FRY: variants seen among roughly 807,000 people sequenced by gnomAD.
FRY encodes the protein FRY microtubule binding protein, also known as protein furry homolog.
FRY carries 128 observed loss-of-function variants against 348.4 expected under a neutral mutation model. The ratio of observed to expected loss-of-function variants is 0.37; its 90% confidence interval spans 0.32 to 0.43. The LOEUF (loss-of-function observed/expected upper bound fraction) is 0.43, where lower values mean the gene tolerates loss of function less well. Ranked by LOEUF, FRY falls within the 20% of genes least tolerant of loss-of-function variation. FRY has a pLI of 1.00. For synonymous variants in FRY, 1,370 were observed against 1,374.7 expected, an observed-to-expected ratio of 1.00 and a Z score of 0.08; for missense variants, 2,736 against 3,695.2, an observed-to-expected ratio of 0.74 and a Z score of 6.73.
At chr13:32,173,645 CT>C in intron 19 of FRY, 96 bp downstream of exon 19, 1 of 914,088 alleles carries the variant, frequency 1.1e-6, no homozygotes, top group South Asian at 1.3e-5. Flanking sequence ...ATTTCAGGTA[CT>C]TTTATGTTAC....
chr13:32,297,722 T>G lies in FRY; in HGVS notation c.*2262T>G, dbSNP rs2072086952. ...ACGCCAGCAGAGCCCAGCAATAACTTTAGATCTACCAGTCAAATCTTGTCG... is the reference window on the plus strand; with the variant it reads ...ACGCCAGCAGAGCCCAGCAATAACTGTAGATCTACCAGTCAAATCTTGTCG... On this transcript the variant is annotated 3_prime_UTR_variant, in exon 61 of 61. Transcript: ENST00000542859. 1 of 152,198 alleles carries G rather than the reference T, an allele frequency of 6.6e-6. No homozygotes were observed. Among genetic ancestry groups the G allele is most frequent in the African/African-American group, 2.4e-5 (1 of 41,436 alleles). The allele number at this position is 152,198 out of a possible 1,614,324, so 9.4% of individuals were successfully genotyped here. A position where few individuals can be genotyped will look rare whatever the true frequency, so the allele number is the denominator to read the frequency against.
At chr13:32,275,550 C>T (rs761315826) in intron 56 of FRY, among the ~76,000 whole-genome samples, 1 of 152,224 alleles carries the variant, frequency 6.6e-6, no homozygotes, top group African/African-American at 2.4e-5. Flanking sequence ...GCTCCGTCTG[C>T]ATCGTTGGCA....
intron 23 of FRY, among the ~76,000 whole-genome samples, chr13:32,181,349 C>G (rs900120921): frequency 1.1e-4 from 16 of 151,566 alleles, no homozygotes; most frequent in Non-Finnish European, 2.1e-4. Flanking sequence ...AATCCCAGCA[C>G]TTTGGGAGGC....
At chr13:32,136,516 C>CT (rs1480504977) in intron 10 of FRY, among the ~76,000 whole-genome samples, 3 of 151,954 alleles carry the variant, frequency 2.0e-5, no homozygotes, top group Admixed American at 2.0e-4. Context: ...TGCCTTCCTG[C>CT]TTTTTTTTCT....
chr13:32,110,559 A>T (rs1234606640), intron 3 of FRY, among the ~76,000 whole-genome samples: 2 of 151,874 alleles, frequency 1.3e-5, no homozygotes, highest in African/African-American at 4.8e-5. Flanking sequence ...TGTATTAATG[A>T]CAGCCACTAG....
chr13:32,229,566 A>G (rs1247561348), intron 40 of FRY, among the ~76,000 whole-genome samples: 2 of 152,250 alleles, frequency 1.3e-5, no homozygotes, highest in Non-Finnish European at 2.9e-5. Flanking sequence ...ATGCCTGCAC[A>G]TACAGGGTAC....
intron 35 of FRY, among the ~76,000 whole-genome samples, chr13:32,215,571 T>A (rs1884942382): frequency 6.6e-6 from 1 of 152,218 alleles, no homozygotes; most frequent in Non-Finnish European, 1.5e-5. Flanking sequence ...AAAATCTTCA[T>A]AAGTTTTTGT....
chr13:32,050,947 C>T (rs762545620), intron 1 of FRY, among the ~76,000 whole-genome samples: 1 of 152,192 alleles, frequency 6.6e-6, no homozygotes, highest in Non-Finnish European at 1.5e-5. Context: ...ATTATATCCA[C>T]CACATACGCA....
At chr13:32,268,505 A>AAAAAAAAT (rs1555273232) in intron 55 of FRY, among the ~76,000 whole-genome samples, 2 of 28,306 alleles carry the variant, frequency 7.1e-5, no homozygotes, top group African/African-American at 1.9e-4. Flanking sequence ...AAAAAAAAAA[A>AAAAAAAAT]ATATATATAT....
chr13:32,148,165 A>G (rs930230552), intron 13 of FRY, among the ~76,000 whole-genome samples: 7 of 152,240 alleles, frequency 4.6e-5, no homozygotes, highest in Non-Finnish European at 8.8e-5. Flanking sequence ...TGATAAATGA[A>G]GAAACAGAGA....
chr13:32,116,932 A>G (rs981533701), intron 3 of FRY, among the ~76,000 whole-genome samples: 3 of 152,316 alleles, frequency 2.0e-5, no homozygotes, highest in Non-Finnish European at 2.9e-5. Context: ...AGATTTGTTT[A>G]TATCATGTAA....
chr13:32,146,075 C>T (rs568096625), intron 11 of FRY, among the ~76,000 whole-genome samples: 48 of 152,288 alleles, frequency 3.2e-4, no homozygotes, highest in Admixed American at 1.2e-3. Context: ...GGCCCTTCAC[C>T]AGCATACAAA....
intron 15 of FRY, among the ~76,000 whole-genome samples, chr13:32,156,117 A>AT (rs1881092416): frequency 6.6e-6 from 1 of 152,184 alleles, no homozygotes; most frequent in Non-Finnish European, 1.5e-5. Context: ...ACATGAGATG[A>AT]TTTTCTAATT....
intron 1 of FRY, among the ~76,000 whole-genome samples, chr13:32,071,195 A>T (rs373981): frequency 7.9e-5 from 12 of 151,530 alleles, no homozygotes; most frequent in African/African-American, 2.7e-4. Context: ...GGCTATGCAG[A>T]CTCTTTTTTG....
intron 35 of FRY, among the ~76,000 whole-genome samples, chr13:32,216,815 G>A (rs979010601): frequency 1.3e-5 from 2 of 152,196 alleles, no homozygotes; most frequent in African/African-American, 4.8e-5. Flanking sequence ...TAGATATTCT[G>A]TTCTTATAGA....
intron 56 of FRY, among the ~76,000 whole-genome samples, 178 bp from the exon 57 acceptor site, chr13:32,276,286 G>A (rs993834129): frequency 6.6e-5 from 10 of 152,082 alleles, no homozygotes; most frequent in South Asian, 4.1e-4. Flanking sequence ...TATCAAGCTC[G>A]GATTCAATTG....
chr13:32,113,228 T>G (rs1358347458), intron 3 of FRY, among the ~76,000 whole-genome samples: 1 of 152,232 alleles, frequency 6.6e-6, no homozygotes, highest in African/African-American at 2.4e-5. Flanking sequence ...CACTTGAATT[T>G]GTTAGAGAAA....
At chr13:32,193,501 C>A (rs905126393) in intron 28 of FRY, among the ~76,000 whole-genome samples, 6 of 151,814 alleles carry the variant, frequency 4.0e-5, no homozygotes, top group African/African-American at 1.5e-4. Context: ...ATAGAGGATA[C>A]CCTTTTGTAT....
Position 32,031,808 on chromosome 13 carries a change from CA to C in FRY, c.14del (p.Gln5ArgfsTer14), listed in dbSNP as rs1872235172. 1 of 1,606,358 alleles carries C rather than the reference CA, an allele frequency of 6.2e-7. No homozygotes were observed. On this transcript the variant is annotated frameshift_variant, in exon 1 of 61. Coordinates refer to ENST00000542859, the MANE Select transcript of FRY (RefSeq NM_023037.3). LOFTEE classifies it high-confidence loss of function. The part of the protein sequence containing the change: MASQ[Q>X]DSGFFEISIK... ...GTATGCCGCAGACATGGCCAGCCAG[CA>C]GGATTCGGGCTTCTTTGAGATCAGT...
Sources: gnomAD v4.1 joint callset for allele counts (sites outside exome capture counted in the v4.1 genomes callset) on GRCh38, gnomAD v4.1.1 for gene constraint, MANE v1.5 for transcripts, NCBI Gene and HGNC (gene_info 2026-07-23, HGNC 2026-07-21) for gene names.